PRKN: variants seen among roughly 807,000 people sequenced by gnomAD.
The protein encoded by PRKN is parkin RBR E3 ubiquitin protein ligase, also known as E3 ubiquitin-protein ligase parkin.
A neutral mutation model predicts 59.5 loss-of-function variants in PRKN; 56 were observed. The observed-to-expected ratio is 0.94, with a 90% CI of 0.76 to 1.18. The LOEUF is 1.18. Among genes scored for constraint, PRKN ranks in the 50% most tolerant of loss-of-function variants. The probability of loss-of-function intolerance (pLI) is 0.00; values close to 1 mark genes in which losing one functional copy is unlikely to be tolerated. For synonymous variants in PRKN, 250 were observed against 222.1 expected, an observed-to-expected ratio of 1.13 and a Z score of -1.12; for missense variants, 657 against 596.4, an observed-to-expected ratio of 1.10 and a Z score of -1.06.
chr6:162,112,189 C>A (rs1376230410), intron 4 of PRKN, among the ~76,000 whole-genome samples: 1 of 152,186 alleles, frequency 6.6e-6, no homozygotes, highest in Non-Finnish European at 1.5e-5. Flanking sequence ...TCAAACAACA[C>A]TTGACATTAA....
rs375030839 is a variant in PRKN, at chr6:161,462,839, T to A, written c.1084-75962A>T. ...TAAATAATCCATGATTTTTTTGTTC[T>A]AAACTGGCTTAATAGGTCTGAGGCC... On this transcript the variant is annotated intron_variant, in intron 9 of 11. Coordinates refer to ENST00000366898, the MANE Select transcript of PRKN (RefSeq NM_004562.3). This position sits in a 1 kb window ranked among gnomAD's most constrained non-coding sequence, Gnocchi z 4.5. Among the ~76,000 whole-genome samples, 182 of 152,318 alleles carry A rather than the reference T, an allele frequency of 1.2e-3. 2 individuals carry two copies. The highest frequency in any genetic ancestry group is 3.9e-3 in the African/African-American group (162 of 41,572).
chr6:161,790,185 G>A (rs541313136), intron 6 of PRKN, among the ~76,000 whole-genome samples: 24 of 152,292 alleles, frequency 1.6e-4, no homozygotes, highest in Non-Finnish European at 2.8e-4. Flanking sequence ...TTAAAGAAAC[G>A]GGAGGATTGA....
intron 7 of PRKN, among the ~76,000 whole-genome samples, chr6:161,649,100 C>G (rs1267359399): frequency 6.6e-6 from 1 of 152,154 alleles, no homozygotes. Flanking sequence ...CTACATTTGT[C>G]AAATGTGCTG....
chr6:162,347,095 T>A (rs1784435470), intron 2 of PRKN, among the ~76,000 whole-genome samples: 1 of 151,038 alleles, frequency 6.6e-6, no homozygotes, highest in Non-Finnish European at 1.5e-5. Flanking sequence ...CAAACTATTA[T>A]ATTTATTATA....
chr6:161,672,261 C>T (rs1784936410), intron 7 of PRKN, among the ~76,000 whole-genome samples: 1 of 152,088 alleles, frequency 6.6e-6, no homozygotes. Context: ...GAAAATAAAA[C>T]CCCAAACCCT....
chr6:162,392,946 T>C (rs55854263), intron 2 of PRKN, among the ~76,000 whole-genome samples: 1 of 152,218 alleles, frequency 6.6e-6, no homozygotes, highest in Non-Finnish European at 1.5e-5. Flanking sequence ...AAGCTTTCTC[T>C]GACTAGGCAT....
At position 161,537,151 on chromosome 6, in the gene PRKN, C is replaced by T. The variant is rs1269593660; in HGVS notation, c.1083+11703G>A. Among the ~76,000 whole-genome samples the T allele has an allele frequency of 2.6e-5, 4 of 152,188 alleles. No homozygotes were observed. In the South Asian group the frequency reaches 8.3e-4, roughly 32 times the overall value. ...TTTAGATTTCTTTCTTTCCAAATAGCAGCTATCTTCTGAACACATAGCTTT... is the reference window on the plus strand; with the variant it reads ...TTTAGATTTCTTTCTTTCCAAATAGTAGCTATCTTCTGAACACATAGCTTT... On this transcript the variant is annotated intron_variant, in intron 9 of 11. Transcript: ENST00000366898.
chr6:161,786,292 C>A (rs964213972), intron 6 of PRKN, among the ~76,000 whole-genome samples: 16 of 152,260 alleles, frequency 1.1e-4, no homozygotes, highest in African/African-American at 3.8e-4. Context: ...GTATTCATAT[C>A]TTCTCCTTTC....
intron 4 of PRKN, among the ~76,000 whole-genome samples, chr6:162,122,856 T>C (rs1049643780): frequency 1.3e-5 from 2 of 152,094 alleles, no homozygotes; most frequent in Non-Finnish European, 2.9e-5. Flanking sequence ...CAGAATCAAC[T>C]GGATGATGTG....
chr6:161,897,719 C>T (rs554716180), intron 6 of PRKN, among the ~76,000 whole-genome samples: 58 of 150,702 alleles, frequency 3.8e-4, no homozygotes, highest in South Asian at 2.1e-3. Flanking sequence ...CGGTGGCTCA[C>T]GCCTGTAATC....
chr6:162,180,903 G>A (rs971405937), intron 4 of PRKN, among the ~76,000 whole-genome samples: 1 of 152,198 alleles, frequency 6.6e-6, no homozygotes, highest in Admixed American at 6.5e-5. Context: ...AGCTAGACCA[G>A]AGATGGTAGA....
intron 6 of PRKN, among the ~76,000 whole-genome samples, chr6:161,853,603 T>C (rs1404383333): frequency 6.6e-6 from 1 of 152,216 alleles, no homozygotes; most frequent in Non-Finnish European, 1.5e-5. Context: ...GAGCTAGGAA[T>C]ACTGTCAGTT....
At chr6:162,220,122 T>C (rs1325791347) in intron 3 of PRKN, among the ~76,000 whole-genome samples, 1 of 152,072 alleles carries the variant, frequency 6.6e-6, no homozygotes, top group East Asian at 1.9e-4. Context: ...GGAGTTCATT[T>C]TTCTGTATGG....
At chr6:162,083,765 A>T (rs572488259) in intron 4 of PRKN, among the ~76,000 whole-genome samples, 1 of 151,980 alleles carries the variant, frequency 6.6e-6, no homozygotes, top group Non-Finnish European at 1.5e-5. Context: ...AAAACACAGT[A>T]CCCTTCATTC....
chr6:162,295,166 C>T (rs1303200101), intron 2 of PRKN, among the ~76,000 whole-genome samples: 2 of 152,178 alleles, frequency 1.3e-5, no homozygotes, highest in Non-Finnish European at 2.9e-5. Context: ...TGCGTGACAA[C>T]ATCAGGGAGC....
At chr6:162,159,396 T>C (rs886320978) in intron 4 of PRKN, among the ~76,000 whole-genome samples, 1 of 152,192 alleles carries the variant, frequency 6.6e-6, no homozygotes, top group Non-Finnish European at 1.5e-5. Flanking sequence ...CAAAATCTGA[T>C]CTACTTAGGG....
At chr6:162,100,115 A>G (rs1052250946) in intron 4 of PRKN, among the ~76,000 whole-genome samples, 1 of 152,224 alleles carries the variant, frequency 6.6e-6, no homozygotes, top group Non-Finnish European at 1.5e-5. Flanking sequence ...TTGTTCTTTT[A>G]AAAGGTCCTA....
chr6:162,197,731 A>C (rs1045219356), intron 4 of PRKN, among the ~76,000 whole-genome samples: 4 of 152,232 alleles, frequency 2.6e-5, no homozygotes, highest in Non-Finnish European at 5.9e-5. Flanking sequence ...ATAAGGAAGG[A>C]AATCAGTACA....
intron 5 of PRKN, among the ~76,000 whole-genome samples, chr6:162,031,726 C>T (rs1353398311): frequency 6.6e-6 from 1 of 151,994 alleles, no homozygotes; most frequent in Non-Finnish European, 1.5e-5. Context: ...CACAAGGTCT[C>T]ACCATGTTGG....
Sources: allele counts gnomAD v4.1 joint callset (sites outside exome capture counted in the v4.1 genomes callset), GRCh38; gene constraint gnomAD v4.1.1; non-coding constraint Gnocchi (gnomAD v3.1); transcripts MANE v1.5; gene names NCBI Gene and HGNC (gene_info 2026-07-23, HGNC 2026-07-21).